Variants in IL34 observed in about 807,000 individuals in gnomAD.
The protein encoded by IL34 is interleukin-34.
A neutral mutation model predicts 25.3 loss-of-function variants in IL34; 17 were observed. The ratio of observed to expected loss-of-function variants is 0.67; its 90% confidence interval spans 0.46 to 1.01. IL34 has a LOEUF of 1.01. IL34 is among the 50% of genes least tolerant of loss of function. The pLI is 0.00. For missense variants in IL34, 368 were observed against 312.9 expected, an observed-to-expected ratio of 1.18 and a Z score of -1.33; for synonymous variants, 174 against 140.9, an observed-to-expected ratio of 1.23 and a Z score of -1.66.
chr16:70,609,692 G>C (rs2051062799), intron 1 of IL34, among the ~76,000 whole-genome samples: 2 of 152,152 alleles, frequency 1.3e-5, no homozygotes, highest in South Asian at 2.1e-4. Flanking sequence ...TGGCTGCTCT[G>C]AGGGGTAGGG....
Position 70,656,625 on chromosome 16 carries a change from C to T in IL34, c.186C>T (p.Tyr62=), listed in dbSNP as rs765710813. 3.1e-5 allele frequency: 45 copies of T among 1,430,820 alleles called. No individual in the cohort carries two copies. The highest frequency in any genetic ancestry group is 4.9e-6 in the Non-Finnish European group (5 of 1,012,686). The allele number at this position is 1,430,820 out of a possible 1,614,324, so 88.6% of individuals were successfully genotyped here. A position where few individuals can be genotyped will look rare whatever the true frequency, so the allele number is the denominator to read the frequency against. The part of the protein sequence containing the change: ...QYMKHYFPIN[Y]KISVPYEGVF... ...AGAAACACTACTTCCCCATCAACTACAAGATCAGTGTGCCTTACGAGGGGG... is the reference window on the plus strand; with the variant it reads ...AGAAACACTACTTCCCCATCAACTATAAGATCAGTGTGCCTTACGAGGGGG... Residue 62 remains tyrosine (Y), a synonymous_variant, in exon 3 of 6, where the codon TAC becomes TAT. Coordinates refer to ENST00000288098, the MANE Select transcript of IL34 (RefSeq NM_001393494.1).
chr16:70,614,716 T>C (rs1358224616), intron 1 of IL34, among the ~76,000 whole-genome samples: 1 of 152,246 alleles, frequency 6.6e-6, no homozygotes, highest in Non-Finnish European at 1.5e-5. Flanking sequence ...TCTCACAGTG[T>C]CTTGCAATAG....
intron 1 of IL34, among the ~76,000 whole-genome samples, chr16:70,625,034 C>A (rs1018892955): frequency 1.3e-5 from 2 of 152,022 alleles, no homozygotes; most frequent in Admixed American, 1.3e-4. Flanking sequence ...TATTTTACAG[C>A]AAGAATTATT....
rs1179650736 is a variant in IL34 at position 70,602,351 on chromosome 16, T to C, written c.-401+22302T>C. 3.0e-4 allele frequency among the ~76,000 whole-genome samples: 46 copies of C among 152,180 alleles called. 1 individual carries two copies. Among genetic ancestry groups the C allele is most frequent in the Non-Finnish European group, 6.8e-4 (46 of 68,030 alleles). Reference sequence around the variant, plus strand: ...CTTTAAGAAAAGTTGCCAAACTTTCTGAGCTTTGGTTTCCTTATCTTTAAA... The same window carrying C: ...CTTTAAGAAAAGTTGCCAAACTTTCCGAGCTTTGGTTTCCTTATCTTTAAA... On this transcript the variant is annotated intron_variant, in intron 1 of 6. Transcript: ENST00000429149.
chr16:70,590,330 T>C (rs2050738141), intron 1 of IL34, among the ~76,000 whole-genome samples: 1 of 152,162 alleles, frequency 6.6e-6, no homozygotes, highest in Non-Finnish European at 1.5e-5. Flanking sequence ...AGAGAACTCA[T>C]GATCAGAGAT....
chr16:70,637,519 A>AT (rs139473334), intron 1 of IL34, among the ~76,000 whole-genome samples: 45,346 of 151,508 alleles, frequency 0.3, 7,048 homozygotes, highest in South Asian at 0.47. Flanking sequence ...CTAATTTTAT[A>AT]TTTTAGTAGA....
At position 70,655,858 on chromosome 16, in the gene IL34, G is replaced by A. The variant is rs569124950; in HGVS notation, c.163-744G>A. On this transcript the variant is annotated intron_variant, in intron 2 of 5. Coordinates refer to ENST00000288098, the MANE Select transcript of IL34 (RefSeq NM_001393494.1). ...CAAGGTGCTGGGATTACAGGCGTGAGCCACTGCACCTGGCTTGTGTCTTTT... is the reference window on the plus strand; with the variant it reads ...CAAGGTGCTGGGATTACAGGCGTGAACCACTGCACCTGGCTTGTGTCTTTT... Among the ~76,000 whole-genome samples the A allele has an allele frequency of 2.0e-5, 3 of 152,314 alleles. No individual in the cohort carries two copies. In the South Asian group the frequency reaches 6.2e-4, roughly 32 times the overall value.
At chr16:70,627,036 C>G (rs2051409093) in intron 1 of IL34, among the ~76,000 whole-genome samples, 1 of 152,026 alleles carries the variant, frequency 6.6e-6, no homozygotes, top group African/African-American at 2.4e-5. Context: ...CTATGTTGCC[C>G]AGGCTGGTCT....
intron 1 of IL34, among the ~76,000 whole-genome samples, chr16:70,587,191 C>T (rs1383135573): frequency 6.6e-6 from 1 of 152,120 alleles, no homozygotes; most frequent in African/African-American, 2.4e-5. Context: ...AGGGTGGCCA[C>T]TGAGCCACCC....
intron 1 of IL34, among the ~76,000 whole-genome samples, chr16:70,582,418 C>T (rs2050645911): frequency 6.6e-6 from 1 of 152,274 alleles, no homozygotes. Context: ...GTAGGTTACG[C>T]ACATGGCTCA....
At chr16:70,633,776 G>A (rs2051573759) in intron 1 of IL34, among the ~76,000 whole-genome samples, 1 of 152,148 alleles carries the variant, frequency 6.6e-6, no homozygotes, top group Admixed American at 6.5e-5. Context: ...AGGTTCTGGT[G>A]TACAATTCCT....
intron 1 of IL34, among the ~76,000 whole-genome samples, chr16:70,615,307 A>C (rs1204873989): frequency 3.9e-5 from 6 of 151,904 alleles, no homozygotes; most frequent in African/African-American, 1.5e-4. Context: ...AAGAGATCGA[A>C]ACCATTCTGG....
chr16:70,615,367 C>T (rs1004677658), intron 1 of IL34, among the ~76,000 whole-genome samples: 2 of 151,960 alleles, frequency 1.3e-5, no homozygotes, highest in Admixed American at 6.6e-5. Context: ...ATTAGCTGGG[C>T]GTGGTGGTGC....
chr16:70,600,041 C>T (rs2050893038), intron 1 of IL34, among the ~76,000 whole-genome samples: 1 of 152,028 alleles, frequency 6.6e-6, no homozygotes, highest in Non-Finnish European at 1.5e-5. Flanking sequence ...TGTAGAGTCC[C>T]CTGACACCCT....
At chr16:70,640,413 C>T (rs2051752978) in intron 1 of IL34, among the ~76,000 whole-genome samples, 1 of 152,110 alleles carries the variant, frequency 6.6e-6, no homozygotes, top group African/African-American at 2.4e-5. Flanking sequence ...CACATGAGGC[C>T]AGGAGATCAA....
intron 1 of IL34, among the ~76,000 whole-genome samples, chr16:70,614,397 A>T (rs1008315327): frequency 6.6e-6 from 1 of 152,036 alleles, no homozygotes; most frequent in Non-Finnish European, 1.5e-5. Context: ...TGGGCCCCTG[A>T]CCTACTGAAT....
chr16:70,654,327 ACT>A (rs1207352777), intron 1 of IL34: 14 of 514,534 alleles, frequency 2.7e-5, no homozygotes, highest in South Asian at 2.2e-4. Flanking sequence ...GTGGGTGTGG[ACT>A]CTCTGCACTG....
At chr16:70,628,294 C>G (rs935787307) in intron 1 of IL34, among the ~76,000 whole-genome samples, 5 of 152,108 alleles carry the variant, frequency 3.3e-5, no homozygotes, top group Non-Finnish European at 7.4e-5. Flanking sequence ...TCTTCCCATC[C>G]AAGAACACAG....
intron 1 of IL34, among the ~76,000 whole-genome samples, chr16:70,634,357 T>G (rs910252148): frequency 6.6e-6 from 1 of 152,118 alleles, no homozygotes; most frequent in South Asian, 2.1e-4. Context: ...TATATACCCA[T>G]GTGACCACCA....
Sources: allele counts gnomAD v4.1 joint callset (sites outside exome capture counted in the v4.1 genomes callset), GRCh38; gene constraint gnomAD v4.1.1; transcripts MANE v1.5; gene names NCBI Gene and HGNC (gene_info 2026-07-23, HGNC 2026-07-21).